Variants in COL28A1 observed in about 807,000 individuals in gnomAD.
COL28A1 encodes collagen alpha-1(XXVIII) chain.
A neutral mutation model predicts 150.2 loss-of-function variants in COL28A1; 161 were observed. The observed-to-expected ratio is 1.07, with a 90% CI of 0.94 to 1.22. The LOEUF (loss-of-function observed/expected upper bound fraction) is 1.22, where lower values mean the gene tolerates loss of function less well. Among genes scored for constraint, COL28A1 ranks in the 50% most tolerant of loss-of-function variants. The probability of loss-of-function intolerance (pLI) is 0.00; values close to 1 mark genes in which losing one functional copy is unlikely to be tolerated. For missense variants in COL28A1, 1,617 were observed against 1,388.3 expected, an observed-to-expected ratio of 1.16 and a Z score of -2.62; for synonymous variants, 552 against 469.7, an observed-to-expected ratio of 1.18 and a Z score of -2.26.
the COL28A1 span, among the ~76,000 whole-genome samples, chr7:7,349,169 GT>G: frequency 1.3e-5 from 2 of 152,058 alleles, no homozygotes; most frequent in African/African-American, 4.8e-5. Context: ...ATATTTAAGA[GT>G]TTTCCAAATA....
chr7:7,432,749 A>T, intron 23 of COL28A1, 49 bp from the exon 24 acceptor site: 3 of 1,435,384 alleles, frequency 2.1e-6, no homozygotes, highest in Non-Finnish European at 2.9e-6. Flanking sequence ...ACTAGAAAAC[A>T]CCTGGTCAAA....
chr7:7,434,235 T>C (rs1785185006), intron 23 of COL28A1, among the ~76,000 whole-genome samples: 1 of 152,158 alleles, frequency 6.6e-6, no homozygotes, highest in South Asian at 2.1e-4. Context: ...CAACAAAAAC[T>C]CAAGGTGATT....
chr7:7,339,738 T>C, the COL28A1 span, among the ~76,000 whole-genome samples: 1 of 152,170 alleles, frequency 6.6e-6, no homozygotes, highest in African/African-American at 2.4e-5. Context: ...CATGCTGTGT[T>C]GTCCACCAAA....
intron 33 of COL28A1, among the ~76,000 whole-genome samples, chr7:7,364,728 A>AG (rs1231160116): frequency 1.3e-5 from 2 of 152,006 alleles, no homozygotes; most frequent in African/African-American, 2.4e-5. Flanking sequence ...GGAAAAAAAA[A>AG]TTTCCTCCCC....
intron 11 of COL28A1, among the ~76,000 whole-genome samples, chr7:7,500,727 T>C (rs940130346): frequency 1.3e-5 from 2 of 151,526 alleles, no homozygotes; most frequent in Admixed American, 6.6e-5. Context: ...AGTTTTAAGT[T>C]CAGGGTCTGT....
intron 13 of COL28A1, among the ~76,000 whole-genome samples, chr7:7,482,921 G>C (rs1779424455): frequency 6.6e-6 from 1 of 152,188 alleles, no homozygotes; most frequent in Non-Finnish European, 1.5e-5. Flanking sequence ...AGAAAAGTGT[G>C]TTTGTGTGGT....
At chr7:7,393,786 A>G (rs1294649) in intron 27 of COL28A1, among the ~76,000 whole-genome samples, 135,035 of 152,168 alleles carry the variant, frequency 0.89, 60,030 homozygotes, top group East Asian at 1. Context: ...TCCACACCAA[A>G]TTTGAGCATC....
chr7:7,343,471 C>G, the COL28A1 span, among the ~76,000 whole-genome samples: 8 of 152,048 alleles, frequency 5.3e-5, no homozygotes, highest in Non-Finnish European at 7.4e-5. Flanking sequence ...CTCTCTTCCA[C>G]TGCACATAAT....
intron 4 of COL28A1, among the ~76,000 whole-genome samples, chr7:7,522,879 A>G (rs1397958832): frequency 6.7e-6 from 1 of 149,972 alleles, no homozygotes; most frequent in African/African-American, 2.5e-5. Context: ...AAGTTTATAA[A>G]TTTGTGTTGG....
At chr7:7,507,523 G>T (rs1285802002) in intron 9 of COL28A1, among the ~76,000 whole-genome samples, 2 of 152,182 alleles carry the variant, frequency 1.3e-5, no homozygotes, top group Admixed American at 6.5e-5. Flanking sequence ...AATTAACAAT[G>T]TAGTGCATTT....
chr7:7,536,978 AT>A (rs1298391602), upstream of COL28A1, among the ~76,000 whole-genome samples: 7 of 152,232 alleles, frequency 4.6e-5, no homozygotes. Context: ...CCAAGAGCTA[AT>A]TGATATAAAT....
chr7:7,427,155 A>C (rs1320351938), intron 25 of COL28A1, among the ~76,000 whole-genome samples: 1 of 152,224 alleles, frequency 6.6e-6, no homozygotes, highest in Non-Finnish European at 1.5e-5. Context: ...GGACTACTAG[A>C]GTGCAGCTCA....
chr7:7,467,959 T>C (rs1206566374), intron 15 of COL28A1, among the ~76,000 whole-genome samples: 2 of 126,042 alleles, frequency 1.6e-5, no homozygotes, highest in African/African-American at 3.2e-5. Flanking sequence ...TTCAAAGCAG[T>C]GTGTAGAGGG....
intron 11 of COL28A1, among the ~76,000 whole-genome samples, chr7:7,499,947 C>A (rs1217796197): frequency 6.6e-6 from 1 of 152,136 alleles, no homozygotes; most frequent in Non-Finnish European, 1.5e-5. Context: ...AAGTTGTACA[C>A]AAGAAAGTGT....
chr7:7,505,014 A>G (rs1780731923), intron 11 of COL28A1, among the ~76,000 whole-genome samples: 1 of 152,218 alleles, frequency 6.6e-6, no homozygotes, highest in African/African-American at 2.4e-5. Context: ...GAGAGAATTA[A>G]TCATAGGCAA....
intron 13 of COL28A1, among the ~76,000 whole-genome samples, chr7:7,479,693 A>G (rs1253281299): frequency 6.6e-6 from 1 of 152,356 alleles, no homozygotes; most frequent in South Asian, 2.1e-4. Context: ...TCAAATTAAG[A>G]AGTTCATGTA....
At chr7:7,528,163 C>T (rs1013197890) in intron 3 of COL28A1, among the ~76,000 whole-genome samples, 6 of 152,072 alleles carry the variant, frequency 3.9e-5, no homozygotes, top group African/African-American at 1.4e-4. Context: ...AAATTTGTCA[C>T]AACCCTTATT....
chr7:7,443,381 G>T (rs756756044), intron 20 of COL28A1, among the ~76,000 whole-genome samples: 45 of 151,864 alleles, frequency 3.0e-4, no homozygotes, highest in Middle Eastern at 3.2e-3. Flanking sequence ...CTCTATGCTG[G>T]GTCTTACAAT....
At chr7:7,509,590 G>A (rs1168674361) in intron 9 of COL28A1, among the ~76,000 whole-genome samples, 3 of 151,790 alleles carry the variant, frequency 2.0e-5, no homozygotes, top group Non-Finnish European at 4.4e-5. Flanking sequence ...TGACATTGGG[G>A]TATATTTTAC....
Sources: allele counts gnomAD v4.1 joint callset (sites outside exome capture counted in the v4.1 genomes callset), GRCh38; gene constraint gnomAD v4.1.1; transcripts MANE v1.5; gene names NCBI Gene and HGNC (gene_info 2026-07-23, HGNC 2026-07-21).